The following TRIM33 variants were observed in gnomAD, a reference collection of about 807,000 sequenced individuals.
The protein encoded by TRIM33 is tripartite motif containing 33.
In TRIM33, 20 loss-of-function variants were observed where a neutral mutation model predicts 125.4. The ratio of observed to expected loss-of-function variants is 0.16; its 90% CI spans 0.11 to 0.23. TRIM33 has a LOEUF of 0.23. Among genes scored for constraint, TRIM33 ranks in the 10% least tolerant of loss-of-function variants. The pLI is 1.00. For synonymous variants in TRIM33, 564 were observed against 513.9 expected, an observed-to-expected ratio of 1.10 and a Z score of -1.32; for missense variants, 920 against 1,411.4, an observed-to-expected ratio of 0.65 and a Z score of 5.58.
At chr1:114,501,363 G>GT (rs145871336) in intron 1 of TRIM33, among the ~76,000 whole-genome samples, 33,224 of 152,020 alleles carry the variant, frequency 0.22, 3,863 homozygotes, top group Non-Finnish European at 0.25. Context: ...TAGCTGGCAA[G>GT]TTGGTGCTGG....
At chr1:114,504,893 C>A (rs994311273) in intron 1 of TRIM33, among the ~76,000 whole-genome samples, 1 of 152,124 alleles carries the variant, frequency 6.6e-6, no homozygotes, top group Admixed American at 6.5e-5. Flanking sequence ...GCCTTTAAAA[C>A]CACAATTTAC....
intron 8 of TRIM33, among the ~76,000 whole-genome samples, chr1:114,426,950 A>C (rs1647627041): frequency 6.6e-6 from 1 of 152,238 alleles, no homozygotes; most frequent in African/African-American, 2.4e-5. Context: ...GAAACAGCAC[A>C]CATTAAAAAA....
rs538692008 is a variant in TRIM33, at chr1:114,496,773, T to C, written c.526+13778A>G. On this transcript the variant is annotated intron_variant, in intron 1 of 19. Transcript: ENST00000358465. ...GCTAATGAATGAGCCACTCAAAAAC[T>C]TCCCATGTTTGAAGAGCCTCATTTT... Among the ~76,000 whole-genome samples, 19 of 152,352 alleles carry C rather than the reference T, an allele frequency of 1.2e-4. No individual in the cohort carries two copies. The South Asian group carries it at 2.7e-3, about 22-fold the overall frequency.
chr1:114,413,596 T>C (rs1175925445), intron 11 of TRIM33, among the ~76,000 whole-genome samples: 4 of 123,590 alleles, frequency 3.2e-5, no homozygotes, highest in Non-Finnish European at 6.4e-5. Flanking sequence ...AAAAGACTTT[T>C]TCTGAAAAGA....
chr1:114,496,484 A>G (rs1483894086), intron 1 of TRIM33, among the ~76,000 whole-genome samples: 3 of 152,202 alleles, frequency 2.0e-5, no homozygotes, highest in African/African-American at 7.2e-5. Flanking sequence ...AACACCTAAC[A>G]TGTCCCATCA....
chr1:114,441,535 C>T (rs886861502), intron 4 of TRIM33, among the ~76,000 whole-genome samples: 5 of 152,094 alleles, frequency 3.3e-5, no homozygotes, highest in African/African-American at 7.2e-5. Context: ...CTCTTGAAGA[C>T]GTGATGACAA....
chr1:114,485,070 C>A (rs907991446), intron 1 of TRIM33, among the ~76,000 whole-genome samples: 1 of 151,000 alleles, frequency 6.6e-6, no homozygotes, highest in East Asian at 1.9e-4. Flanking sequence ...AAAAAAAGTA[C>A]GTGTTTATTA....
At chr1:114,447,819 T>C (rs2101284755) in intron 4 of TRIM33, among the ~76,000 whole-genome samples, 1 of 152,326 alleles carries the variant, frequency 6.6e-6, no homozygotes, top group African/African-American at 2.4e-5. Flanking sequence ...GCTGATACAA[T>C]AAGGTATCAA....
intron 1 of TRIM33, among the ~76,000 whole-genome samples, chr1:114,495,376 G>C (rs1001721365): frequency 6.6e-6 from 1 of 151,988 alleles, no homozygotes; most frequent in Non-Finnish European, 1.5e-5. Context: ...TACCTCGGTG[G>C]CCTCATTTGT....
At chr1:114,410,393 C>T (rs1057206333) in intron 11 of TRIM33, 77 bp from the exon 12 acceptor site, 8 of 1,411,504 alleles carry the variant, frequency 5.7e-6, no homozygotes, top group Non-Finnish European at 6.7e-6. Flanking sequence ...ACTGCTTATA[C>T]TCAGTTTATT....
At chr1:114,481,928 T>C (rs909252655) in intron 1 of TRIM33, among the ~76,000 whole-genome samples, 1 of 151,970 alleles carries the variant, frequency 6.6e-6, no homozygotes, top group Admixed American at 6.6e-5. Context: ...CCAGCTAATA[T>C]TTTTGTATTT....
Position 114,395,897 on chromosome 1 carries a change from AAAC to A in TRIM33, c.*1748_*1750del, listed in dbSNP as rs1433668349. The stretch of plus-strand genomic sequence containing the variant: ...CCCCCACCCCTTGTTAAGAAAAGAA[AAAC>A]AACCCAAAGGAATTTGTATAATAAT... On this transcript the variant is annotated 3_prime_UTR_variant, in exon 20 of 20. Transcript: ENST00000358465. 1.6e-5 allele frequency: 3 copies of A among 193,342 alleles called. No individual in the cohort carries two copies. The highest frequency in any genetic ancestry group is 3.2e-5 in the Non-Finnish European group (3 of 92,604). 12.0% of individuals were successfully genotyped at this position (193,342 alleles called of 1,614,324 possible).
intron 4 of TRIM33, among the ~76,000 whole-genome samples, chr1:114,442,365 C>G (rs1481821910): frequency 6.6e-6 from 1 of 151,948 alleles, no homozygotes; most frequent in Non-Finnish European, 1.5e-5. Flanking sequence ...AAAATGTATT[C>G]AGATTCTTCA....
chr1:114,436,778 G>A (rs997977735), intron 4 of TRIM33, among the ~76,000 whole-genome samples: 4 of 151,980 alleles, frequency 2.6e-5, no homozygotes, highest in African/African-American at 9.7e-5. Flanking sequence ...GGCTTTTAAA[G>A]AGGCTTTACT....
At position 114,459,512 on chromosome 1, in the gene TRIM33, G is replaced by A. The variant is rs76921145; in HGVS notation, c.923+3592C>T. ...GAGCTGGGCATGGTGATATGCACCC[G>A]TAATCTCAGCTACTGGTGAGGCTGT... On this transcript the variant is annotated intron_variant, in intron 4 of 19. Coordinates refer to ENST00000358465, the MANE Select transcript of TRIM33 (RefSeq NM_015906.4). Among the ~76,000 whole-genome samples the A allele has an allele frequency of 1.1e-3, 169 of 152,230 alleles. 4 individuals are homozygous for A. The East Asian group carries it at 0.03, about 27-fold the overall frequency.
At chr1:114,481,732 C>T (rs1174024821) in intron 1 of TRIM33, among the ~76,000 whole-genome samples, 1 of 150,228 alleles carries the variant, frequency 6.7e-6, no homozygotes, top group Non-Finnish European at 1.5e-5. Flanking sequence ...TTTTCCTCCC[C>T]ATGGGATACA....
At position 114,402,761 on chromosome 1, in the gene TRIM33, C is replaced by T. The variant is rs144034031; in HGVS notation, c.2891G>A (p.Arg964Lys). The stretch of plus-strand genomic sequence containing the variant: ...CAAATCAACTTATTTGACACTTACC[C>T]TTTGGTCCACGGGGCTTAACCCCTG... ...TAQGLSPVDQ[R>K]KCERLLLYLY... is the part of the protein sequence containing the mutation. Residue 964 changes from arginine (R) to lysine (K), a missense_variant and splice_region_variant, in exon 16 of 20, where the codon AGG (arginine) becomes AAG (lysine). Physicochemically the swap from Arg to Lys is conservative, Grantham distance 26. Coordinates refer to ENST00000358465, the MANE Select transcript of TRIM33 (RefSeq NM_015906.4). 1 of 1,611,794 alleles carries T rather than the reference C, an allele frequency of 6.2e-7. No individual in the cohort carries two copies. Among genetic ancestry groups the T allele is most frequent in the African/African-American group, 1.3e-5 (1 of 74,892 alleles).
At chr1:114,510,129 C>G (rs1434288446) in intron 1 of TRIM33, among the ~76,000 whole-genome samples, 8 of 152,134 alleles carry the variant, frequency 5.3e-5, no homozygotes. Context: ...CCCCTCCCTC[C>G]AAAGCAATCC....
rs944875359 is a variant in TRIM33 at position 114,510,799 on chromosome 1, G to T, written c.278C>A (p.Ala93Glu). Residue 93 changes from alanine to glutamate, a missense_variant, in exon 1 of 20, where the codon GCA becomes GAA. Physicochemically the swap from Ala to Glu is moderately radical, Grantham distance 107. Transcript: ENST00000358465. Reference protein sequence around the residue: ...ASVGTGVAGGAVSTPAPAPAS... With the variant: ...ASVGTGVAGGEVSTPAPAPAS... ...TGGAGCTGGAGCCGGCGTCGATACTGCGCCCCCGGCAACTCCAGTGCCCAC... is the reference window on the plus strand; with the variant it reads ...TGGAGCTGGAGCCGGCGTCGATACTTCGCCCCCGGCAACTCCAGTGCCCAC... 8 of 1,519,164 alleles carry T rather than the reference G, an allele frequency of 5.3e-6. No homozygotes were observed. In the African/African-American group the frequency reaches 1.1e-4, roughly 21 times the overall value. 94.1% of individuals were successfully genotyped at this position (1,519,164 alleles called of 1,614,324 possible).
Sources: allele counts gnomAD v4.1 joint callset (sites outside exome capture counted in the v4.1 genomes callset), GRCh38; gene constraint gnomAD v4.1.1; transcripts MANE v1.5; gene names NCBI Gene and HGNC (gene_info 2026-07-23, HGNC 2026-07-21).